The following ADGRV1 variants were observed in gnomAD, a reference collection of about 807,000 sequenced individuals.
ADGRV1 encodes the protein adhesion G protein-coupled receptor V1.
ADGRV1 carries 359 observed loss-of-function variants against 596.2 expected under a neutral mutation model. The ratio of observed to expected loss-of-function variants is 0.60; its 90% CI spans 0.55 to 0.66. The LOEUF (loss-of-function observed/expected upper bound fraction) is 0.66. Among genes scored for constraint, ADGRV1 ranks in the 30% least tolerant of loss-of-function variants. ADGRV1 has a pLI of 0.00. For missense variants in ADGRV1, 7,274 were observed against 7,575.6 expected, an observed-to-expected ratio of 0.96 and a Z score of 1.48; for synonymous variants, 2,681 against 2,679.2, an observed-to-expected ratio of 1.00 and a Z score of -0.02.
Position 90,684,177 on chromosome 5 carries a change from A to G in ADGRV1, c.6256A>G (p.Lys2086Glu), listed in dbSNP as rs1408798304. 4 of 1,612,262 alleles carry G rather than the reference A, an allele frequency of 2.5e-6. No individual in the cohort carries two copies. The African/African-American group carries it at 4.0e-5, about 16-fold the overall frequency. Residue 2086 changes from lysine (K) to glutamate (E), a missense_variant, in exon 28 of 90, where the codon AAA (lysine) becomes GAA (glutamate). This residue lies in a region of ADGRV1 where 3,643 missense variants were observed against 3,809.2 expected (regional missense o/e 0.96). Transcript: ENST00000405460. Reference protein sequence around the residue: ...IELLNSTLVAKVQSRSIPNSP... With the variant: ...IELLNSTLVAEVQSRSIPNSP... ...ACTACTCAACTCTACTTTAGTAGCGAAAGTACAGAGTCGTTCAAGTAAGTA... is the reference window on the plus strand; with the variant it reads ...ACTACTCAACTCTACTTTAGTAGCGGAAGTACAGAGTCGTTCAAGTAAGTA...
chr5:90,853,313 A>G lies in ADGRV1; in HGVS notation c.17234A>G (p.Tyr5745Cys). Reference protein sequence around the residue: ...KSKTILDSCPYLSILALHWYP... With the variant: ...KSKTILDSCPCLSILALHWYP... Reference sequence around the variant, plus strand: ...AAAACCATCCTTGATAGTTGCCCATATTTGTCAATATTGGCTCTTCACTGG... The same window carrying G: ...AAAACCATCCTTGATAGTTGCCCATGTTTGTCAATATTGGCTCTTCACTGG... Residue 5745 changes from tyrosine (Y) to cysteine (C), a missense_variant, in exon 80 of 90, where the codon TAT becomes TGT. Coordinates refer to ENST00000405460, the MANE Select transcript of ADGRV1 (RefSeq NM_032119.4). 1.2e-6 allele frequency: 2 copies of G among 1,610,660 alleles called. No homozygotes were observed. Among genetic ancestry groups the G allele is most frequent in the Non-Finnish European group, 1.7e-6 (2 of 1,177,764 alleles).
At chr5:90,863,012 T>C (rs1359376735) in intron 82 of ADGRV1, among the ~76,000 whole-genome samples, 1 of 152,202 alleles carries the variant, frequency 6.6e-6, no homozygotes, top group Non-Finnish European at 1.5e-5. Flanking sequence ...AGTATACATA[T>C]GTCAATTGCT....
At chr5:90,597,282 A>T (rs1267150018) in intron 1 of ADGRV1, among the ~76,000 whole-genome samples, 1 of 152,228 alleles carries the variant, frequency 6.6e-6, no homozygotes, top group African/African-American at 2.4e-5. Context: ...TGTAAATATC[A>T]ATGGGGAAAG....
chr5:91,109,361 A>G (rs891085445), intron 87 of ADGRV1, among the ~76,000 whole-genome samples: 1 of 152,198 alleles, frequency 6.6e-6, no homozygotes, highest in Non-Finnish European at 1.5e-5. Flanking sequence ...TAGCTACTAT[A>G]TAACATGTGA....
chr5:90,712,199 C>A, intron 41 of ADGRV1, 88 bp from the exon 42 acceptor site: 1 of 749,302 alleles, frequency 1.3e-6, no homozygotes, highest in Non-Finnish European at 2.0e-6. Context: ...TTTACATTCA[C>A]AACTATATTG....
At chr5:90,676,324 A>C in intron 25 of ADGRV1, 115 bp downstream of exon 25, 2 of 953,066 alleles carry the variant, frequency 2.1e-6, no homozygotes, top group Non-Finnish European at 3.0e-6. Context: ...ATAAATGAAT[A>C]AATTATTAGT....
At chr5:90,976,121 C>T (rs559497791) in intron 84 of ADGRV1, among the ~76,000 whole-genome samples, 74 of 151,264 alleles carry the variant, frequency 4.9e-4, no homozygotes, top group African/African-American at 1.7e-3. Context: ...GTAAACACTA[C>T]TGTTTTCCTG....
chr5:91,146,602 T>C (rs1016854473), intron 87 of ADGRV1, among the ~76,000 whole-genome samples: 3 of 152,212 alleles, frequency 2.0e-5, no homozygotes, highest in Admixed American at 6.5e-5. Context: ...GTAGGTGAGA[T>C]ATACAAATGA....
At chr5:90,847,275 A>T (rs537627015) in intron 78 of ADGRV1, among the ~76,000 whole-genome samples, 1 of 151,654 alleles carries the variant, frequency 6.6e-6, no homozygotes, top group Non-Finnish European at 1.5e-5. Flanking sequence ...TCCCCACCAG[A>T]TTAACTAGAT....
At chr5:90,975,662 T>C (rs1278270776) in intron 84 of ADGRV1, among the ~76,000 whole-genome samples, 6 of 152,120 alleles carry the variant, frequency 3.9e-5, no homozygotes, top group East Asian at 3.9e-4. Flanking sequence ...ATGAGAACAC[T>C]TGGACACAGC....
intron 82 of ADGRV1, among the ~76,000 whole-genome samples, chr5:90,859,288 G>A (rs1018362580): frequency 1.3e-5 from 2 of 152,076 alleles, no homozygotes; most frequent in Non-Finnish European, 2.9e-5. Flanking sequence ...ACATACAGTA[G>A]GTTTTAATAG....
intron 17 of ADGRV1, 100 bp downstream of exon 17, chr5:90,647,864 T>G: frequency 1.0e-6 from 1 of 984,776 alleles, no homozygotes; most frequent in Non-Finnish European, 1.5e-6. Flanking sequence ...AGGGCCTAAC[T>G]ACATTTGTAC....
At chr5:91,002,235 A>C (rs1781910591) in intron 85 of ADGRV1, among the ~76,000 whole-genome samples, 1 of 152,094 alleles carries the variant, frequency 6.6e-6, no homozygotes, top group South Asian at 2.1e-4. Flanking sequence ...AATCTTACAC[A>C]GTCTATTTGC....
intron 1 of ADGRV1, among the ~76,000 whole-genome samples, chr5:90,564,100 TAGAA>T (rs751400974): frequency 3.3e-5 from 5 of 152,224 alleles, no homozygotes; most frequent in Non-Finnish European, 7.3e-5. Context: ...GAAGGCATAA[TAGAA>T]AGAAGTGTTT....
Position 90,766,160 on chromosome 5 carries a change from T to C in ADGRV1, c.12285+2691T>C, listed in dbSNP as rs62373982. On this transcript the variant is annotated intron_variant, in intron 59 of 89. Coordinates refer to ENST00000405460, the MANE Select transcript of ADGRV1 (RefSeq NM_032119.4). ...TCCTGACCTCATGATCCGCCCGCCTTGGCCTCCCAAAGTGCTGGGATTACA... is the reference window on the plus strand; with the variant it reads ...TCCTGACCTCATGATCCGCCCGCCTCGGCCTCCCAAAGTGCTGGGATTACA... 5.5e-3 allele frequency among the ~76,000 whole-genome samples: 841 copies of C among 152,192 alleles called. 1 individual carries two copies. Among genetic ancestry groups the C allele is most frequent in the Non-Finnish European group, 9.5e-3 (647 of 68,016 alleles).
intron 1 of ADGRV1, among the ~76,000 whole-genome samples, chr5:90,594,104 G>T (rs79131798): frequency 0.027 from 4,037 of 152,236 alleles, 167 homozygotes; most frequent in African/African-American, 0.092. Flanking sequence ...TTTGGAATAT[G>T]ATTAGGTTTA....
chr5:90,624,570 A>AT (rs1255093511), intron 5 of ADGRV1, among the ~76,000 whole-genome samples: 5 of 151,966 alleles, frequency 3.3e-5, no homozygotes, highest in Non-Finnish European at 5.9e-5. Context: ...GCTATTCTTA[A>AT]TTTTTTCTCT....
chr5:90,589,771 C>G (rs1759236057), intron 1 of ADGRV1, among the ~76,000 whole-genome samples: 1 of 152,028 alleles, frequency 6.6e-6, no homozygotes, highest in African/African-American at 2.4e-5. Flanking sequence ...GTTCAGAGTT[C>G]TAATTTCTGG....
intron 78 of ADGRV1, among the ~76,000 whole-genome samples, chr5:90,842,590 T>G (rs530698057): frequency 2.7e-4 from 41 of 152,080 alleles, no homozygotes; most frequent in African/African-American, 9.9e-4. Context: ...TGGTGGCACA[T>G]GCCTGTAGTC....
Sources: gnomAD v4.1 joint callset for allele counts (sites outside exome capture counted in the v4.1 genomes callset) on GRCh38, gnomAD v4.1.1 for gene constraint, gnomAD v4.1.1 regional missense constraint, MANE v1.5 for transcripts, NCBI Gene and HGNC (gene_info 2026-07-23, HGNC 2026-07-21) for gene names.